SDHA: variants seen among roughly 807,000 people sequenced by gnomAD.
SDHA encodes the protein succinate dehydrogenase [ubiquinone] flavoprotein subunit, mitochondrial.
SDHA carries 48 observed loss-of-function variants against 78.4 expected under a neutral mutation model. The ratio of observed to expected loss-of-function variants is 0.61; its 90% confidence interval spans 0.49 to 0.78. The LOEUF is 0.78. Ranked by LOEUF, SDHA falls within the 30% of genes least tolerant of loss-of-function variation. The pLI, the probability that SDHA is intolerant of heterozygous loss-of-function variation, is 0.00. For missense variants in SDHA, 680 were observed against 892.7 expected (o/e 0.76, Z 3.04); for synonymous variants, 326 against 353.9 (o/e 0.92, Z 0.88).
rs771593214 is a variant in SDHA, at chr5:254,411, G to A, written c.1813G>A (p.Asp605Asn). 10 of 1,603,382 alleles carry A rather than the reference G, an allele frequency of 6.2e-6. No individual in the cohort carries two copies. In the East Asian group the frequency reaches 9.0e-5, roughly 14 times the overall value. ...GCCTCAGGTGCGGATTGATGAGTAC[G>A]ATTACTCCAAGCCCATCCAGGGGCA... ...EDYKVRIDEY[D>N]YSKPIQGQQK... The change falls in exon 14 of 15, where the codon GAT (aspartate) becomes AAT (asparagine). Residue 605 changes from aspartate to asparagine, a missense_variant. Physicochemically the swap from Asp to Asn is conservative, Grantham distance 23. Coordinates refer to ENST00000264932, the MANE Select transcript of SDHA (RefSeq NM_004168.4).
At chr5:247,380 C>G (rs1213087873) in intron 11 of SDHA, among the ~76,000 whole-genome samples, 1 of 152,244 alleles carries the variant, frequency 6.6e-6, no homozygotes, top group African/African-American at 2.4e-5. Flanking sequence ...TCATACACCT[C>G]TTCCAGGACC....
At chr5:238,310 AATG>A (rs1735909040) in intron 10 of SDHA, among the ~76,000 whole-genome samples, 2 of 152,190 alleles carry the variant, frequency 1.3e-5, no homozygotes, top group South Asian at 4.1e-4. Flanking sequence ...CTACACTAAA[AATG>A]ATGAGTTTAT....
chr5:255,532 C>G (rs1387847259), intron 14 of SDHA, among the ~76,000 whole-genome samples: 1 of 152,040 alleles, frequency 6.6e-6, no homozygotes, highest in African/African-American at 2.4e-5. Context: ...TCTCGTCTCA[C>G]TGCAGCCTCA....
intron 11 of SDHA, chr5:249,269 C>A: frequency 4.0e-6 from 1 of 252,048 alleles, no homozygotes; most frequent in Non-Finnish European, 7.8e-6. Context: ...AGAAGTAGCT[C>A]ACCGTAACAA....
At chr5:225,100 G>A (rs1480630944) in intron 3 of SDHA, among the ~76,000 whole-genome samples, 1 of 152,176 alleles carries the variant, frequency 6.6e-6, no homozygotes, top group Non-Finnish European at 1.5e-5. Flanking sequence ...CCTTTTCTGT[G>A]CCAGATAGGT....
At chr5:229,088 T>G (rs1735220159) in intron 6 of SDHA, among the ~76,000 whole-genome samples, 1 of 150,292 alleles carries the variant, frequency 6.7e-6, no homozygotes, top group African/African-American at 2.5e-5. Context: ...TCGCTCCAGT[T>G]AGAATGACTG....
At chr5:253,335 A>G (rs1251910160) in intron 13 of SDHA, among the ~76,000 whole-genome samples, 4 of 152,236 alleles carry the variant, frequency 2.6e-5, no homozygotes, top group Non-Finnish European at 2.9e-5. Flanking sequence ...GATGGCTGTG[A>G]TCACTGCTCA....
chr5:231,744 G>A (rs555342205), intron 7 of SDHA, among the ~76,000 whole-genome samples: 1 of 152,212 alleles, frequency 6.6e-6, no homozygotes, highest in South Asian at 2.1e-4. Context: ...CCATGGAACC[G>A]AGAAGCAGCA....
downstream of SDHA, among the ~76,000 whole-genome samples, chr5:258,833 TGCC>T (rs1737378082): frequency 1.8e-5 from 1 of 55,410 alleles, no homozygotes; most frequent in African/African-American, 1.3e-4. Flanking sequence ...CTCCGCCCCC[TGCC>T]AGAGCATTAC....
Position 225,868 on chromosome 5 carries a change from T to C in SDHA, c.457-15T>C. The C allele has an allele frequency of 6.2e-7, 1 of 1,612,296 alleles. No homozygotes were observed. The highest frequency in any genetic ancestry group is 8.5e-7 in the Non-Finnish European group (1 of 1,179,838). ...TTAAGGTGTTAAGGTTTTTGTTTGT[T>C]TTTATCTTTCACAGCTAGAAAATTA... On this transcript the variant is annotated splice_polypyrimidine_tract_variant and intron_variant, in intron 4 of 14. Coordinates refer to ENST00000264932, the MANE Select transcript of SDHA (RefSeq NM_004168.4).
At chr5:262,393 A>T in the SDHA span, among the ~76,000 whole-genome samples, 1 of 151,716 alleles carries the variant, frequency 6.6e-6, no homozygotes, top group Admixed American at 6.6e-5. Context: ...TCCAAGCATT[A>T]CTGTGTGAGA....
intron 11 of SDHA, among the ~76,000 whole-genome samples, chr5:246,355 G>A (rs1477035429): frequency 8.0e-5 from 12 of 149,806 alleles, no homozygotes; most frequent in South Asian, 4.2e-4. Flanking sequence ...AAATAGAATC[G>A]ATCCAGAGAA....
At chr5:248,053 A>G in intron 11 of SDHA, among the ~76,000 whole-genome samples, 1 of 152,266 alleles carries the variant, frequency 6.6e-6, no homozygotes, top group Non-Finnish European at 1.5e-5. Flanking sequence ...AACAGCATCT[A>G]CAGAAACCAG....
At chr5:265,785 A>T in the SDHA span, among the ~76,000 whole-genome samples, 1 of 150,984 alleles carries the variant, frequency 6.6e-6, no homozygotes, top group East Asian at 1.9e-4. Context: ...GCGCCATTGC[A>T]CTCCAGCCTG....
At chr5:267,930 C>G in the SDHA span, among the ~76,000 whole-genome samples, 1 of 152,180 alleles carries the variant, frequency 6.6e-6, no homozygotes, top group African/African-American at 2.4e-5. Flanking sequence ...GGTGACGGGA[C>G]TCAGGCAGCA....
chr5:227,600 C>T (rs1430589783), intron 5 of SDHA: 7 of 175,076 alleles, frequency 4.0e-5, no homozygotes, highest in Non-Finnish European at 8.6e-5. Context: ...GGAGCTGGCC[C>T]AGGCTTACAA....
intron 1 of SDHA, among the ~76,000 whole-genome samples, chr5:221,564 T>A (rs1734719447): frequency 6.6e-6 from 1 of 152,242 alleles, no homozygotes; most frequent in Admixed American, 6.5e-5. Flanking sequence ...CTCCACCTCC[T>A]AATTCAGTCA....
At chr5:248,749 TCTC>T (rs1345080798) in intron 11 of SDHA, among the ~76,000 whole-genome samples, 1 of 152,192 alleles carries the variant, frequency 6.6e-6, no homozygotes, top group Non-Finnish European at 1.5e-5. Flanking sequence ...TATTGATTGA[TCTC>T]CTAAGGGGAT....
At chr5:235,455 A>G in intron 9 of SDHA, 116 bp downstream of exon 9, 2 of 1,043,022 alleles carry the variant, frequency 1.9e-6, no homozygotes, top group Non-Finnish European at 1.5e-6. Flanking sequence ...TCAAGAAAGT[A>G]CTGTATTGTT....
Sources: allele counts gnomAD v4.1 joint callset (sites outside exome capture counted in the v4.1 genomes callset), GRCh38; gene constraint gnomAD v4.1.1; transcripts MANE v1.5; gene names NCBI Gene and HGNC (gene_info 2026-07-23, HGNC 2026-07-21).